Variants in SCN2A observed in about 807,000 individuals in gnomAD.
The protein encoded by SCN2A is sodium channel protein type 2 subunit alpha.
A neutral mutation model predicts 188.7 loss-of-function variants in SCN2A; 20 were observed. The observed-to-expected ratio is 0.11, with a 90% CI of 0.07 to 0.15. The LOEUF is 0.15. SCN2A is among the 10% of genes least tolerant of loss of function. The pLI is 1.00. For synonymous variants in SCN2A, 804 were observed against 833.1 expected (o/e 0.97, Z 0.60); for missense variants, 1,278 against 2,445.0 (o/e 0.52, Z 10.07).
At chr2:165,285,231 A>G (rs1368639876) in intron 1 of SCN2A, 3 of 153,164 alleles carry the variant, frequency 2.0e-5, no homozygotes, top group African/African-American at 7.2e-5. Flanking sequence ...TGGGCAGTAG[A>G]CTGTTCCACC....
In SCN2A at chr2:165,313,932, A is replaced by G. The variant is rs1697581654; in HGVS notation, c.1207A>G (p.Ile403Val). 2.5e-6 allele frequency: 4 copies of G among 1,613,720 alleles called. No homozygotes were observed. The highest frequency in any genetic ancestry group is 3.4e-6 in the Non-Finnish European group (4 of 1,179,826). ...TLRAAGKTYM[I>V]FFVLVIFLGS... ...ACGTGCTGCTGGGAAAACGTACATGATATTTTTTGTGCTGGTCATTTTCTT... is the reference window on the plus strand; with the variant it reads ...ACGTGCTGCTGGGAAAACGTACATGGTATTTTTTGTGCTGGTCATTTTCTT... The change falls in exon 10 of 27, where the codon ATA (isoleucine) becomes GTA (valine). Residue 403 changes from isoleucine (I) to valine (V), a missense_variant. Coordinates refer to ENST00000375437, the MANE Select transcript of SCN2A (RefSeq NM_001040142.2).
chr2:165,243,219 T>C (rs1045357886), intron 1 of SCN2A, among the ~76,000 whole-genome samples: 5 of 152,164 alleles, frequency 3.3e-5, no homozygotes, highest in African/African-American at 7.2e-5. Context: ...TAAGGGCTGG[T>C]TTGCCAGTAT....
intron 1 of SCN2A, among the ~76,000 whole-genome samples, chr2:165,291,578 T>TTC (rs1559340821): frequency 4.5e-5 from 4 of 89,362 alleles, no homozygotes; most frequent in African/African-American, 1.3e-4. Flanking sequence ...CCTTCCTTTC[T>TTC]CTCTCTCTCT....
intron 17 of SCN2A, among the ~76,000 whole-genome samples, chr2:165,363,587 C>G (rs1411146076): frequency 1.3e-5 from 2 of 151,966 alleles, no homozygotes; most frequent in East Asian, 3.9e-4. Context: ...TGTATAGAAA[C>G]ATAGTTATAC....
rs1055844557 is a variant in SCN2A at position 165,390,809 on chromosome 2, C to T, written c.*985C>T. On this transcript the variant is annotated 3_prime_UTR_variant, in exon 27 of 27. Coordinates refer to ENST00000375437, the MANE Select transcript of SCN2A (RefSeq NM_001040142.2). The stretch of plus-strand genomic sequence containing the variant: ...CTGAATTGACCAAAAAACATCCCCA[C>T]CACCACTTTATAAAGTTGATTCTGC... The T allele has an allele frequency of 3.3e-5, 5 of 152,488 alleles. No homozygotes were observed. Among genetic ancestry groups the T allele is most frequent in the Non-Finnish European group, 5.9e-5 (4 of 67,986 alleles). The allele number at this position is 152,488 out of a possible 1,614,324, so 9.4% of individuals were successfully genotyped here. A position where few individuals can be genotyped will look rare whatever the true frequency, so the allele number is the denominator to read the frequency against.
rs982574434 is a variant in SCN2A at position 165,312,228 on chromosome 2, G to A, written c.1034+140G>A. ...CTACTTCACGGTGACTCTCAGAATA[G>A]CCAGGATAAGTGTAGATTCTCACCT... On this transcript the variant is annotated intron_variant, in intron 8 of 26. Transcript: ENST00000375437. 74 of 701,858 alleles carry A rather than the reference G, an allele frequency of 1.1e-4. No individual in the cohort carries two copies. The African/African-American group carries it at 1.3e-3, about 12-fold the overall frequency. 43.5% of individuals were successfully genotyped at this position (701,858 alleles called of 1,614,324 possible).
intron 25 of SCN2A, among the ~76,000 whole-genome samples, chr2:165,383,118 G>T (rs904042024): frequency 6.6e-6 from 1 of 152,036 alleles, no homozygotes; most frequent in Non-Finnish European, 1.5e-5. Context: ...CTAAGCATTT[G>T]AACTTAAATA....
Position 165,374,896 on chromosome 2 carries a change from C to A in SCN2A, c.4184C>A (p.Thr1395Asn). ...AAAGCTCTCATTGAGAGCAATCAAACTGCCAGGTGGAAAAATGTGAAAGTA... is the reference window on the plus strand; with the variant it reads ...AAAGCTCTCATTGAGAGCAATCAAAATGCCAGGTGGAAAAATGTGAAAGTA... ...ECKALIESNQ[T>N]ARWKNVKVNF... Residue 1395 changes from threonine to asparagine, a missense_variant, in exon 22 of 27, where the codon ACT (threonine) becomes AAT (asparagine). Physicochemically the swap from Thr to Asn is moderately conservative, Grantham distance 65 (BLOSUM62 0). Coordinates refer to ENST00000375437, the MANE Select transcript of SCN2A (RefSeq NM_001040142.2). The A allele has an allele frequency of 6.2e-7, 1 of 1,613,516 alleles. No homozygotes were observed. The highest frequency in any genetic ancestry group is 2.2e-5 in the East Asian group (1 of 44,852).
At chr2:165,360,499 CAGT>C (rs1009355154) in intron 17 of SCN2A, among the ~76,000 whole-genome samples, 14 of 151,866 alleles carry the variant, frequency 9.2e-5, no homozygotes, top group Non-Finnish European at 1.8e-4. Context: ...AAAAGAATCA[CAGT>C]AGATTTTCAA....
rs900423326 is a variant in SCN2A, at chr2:165,268,771, A to T, written c.-51-27002A>T. 2.6e-5 allele frequency: 4 copies of T among 151,812 alleles called. 1 individual carries two copies. In the East Asian group the frequency reaches 5.8e-4, roughly 22 times the overall value. 9.4% of individuals were successfully genotyped at this position (151,812 alleles called of 1,614,324 possible). On this transcript the variant is annotated intron_variant, in intron 1 of 26. Transcript: ENST00000375437. ...GATAAAGAATTGCACACACACACACACGCACACACACACACACAATGAAAT... is the reference window on the plus strand; with the variant it reads ...GATAAAGAATTGCACACACACACACTCGCACACACACACACACAATGAAAT...
chr2:165,338,768 A>T (rs1291802536), intron 14 of SCN2A, among the ~76,000 whole-genome samples: 1 of 152,202 alleles, frequency 6.6e-6, no homozygotes, highest in African/African-American at 2.4e-5. Flanking sequence ...TGATCAATTA[A>T]TTGGCCATAT....
intron 1 of SCN2A, chr2:165,269,799 T>C (rs1695026751): frequency 6.6e-6 from 1 of 152,020 alleles, no homozygotes; most frequent in Non-Finnish European, 1.5e-5. Flanking sequence ...TAAATATATG[T>C]TTATTAAAAT....
At chr2:165,282,737 T>C (rs1695636178) in intron 1 of SCN2A, among the ~76,000 whole-genome samples, 2 of 152,160 alleles carry the variant, frequency 1.3e-5, no homozygotes, top group African/African-American at 2.4e-5. Flanking sequence ...ATTATCAGTT[T>C]TGCACTGTAC....
intron 12 of SCN2A, 33 bp downstream of exon 12, chr2:165,323,533 G>A: frequency 1.3e-6 from 2 of 1,571,266 alleles, no homozygotes; most frequent in South Asian, 2.3e-5. Context: ...CTGATGTGAA[G>A]AGAGTTGTGA....
At chr2:165,349,021 T>G (rs1029464664) in intron 16 of SCN2A, among the ~76,000 whole-genome samples, 6 of 152,104 alleles carry the variant, frequency 3.9e-5, no homozygotes, top group Non-Finnish European at 8.8e-5. Flanking sequence ...GCTACTATAA[T>G]CCCCAAGACA....
rs191616186 is a variant in SCN2A, at chr2:165,347,537, T to A, written c.2919+2626T>A. On this transcript the variant is annotated intron_variant, in intron 16 of 26. Transcript: ENST00000375437. ...AGCAAACCACCATGGCAAGTGTATA[T>A]GTATGTAACAAATCTGCATGTTCTA... is the stretch of plus-strand genomic sequence containing the variant. Among the ~76,000 whole-genome samples the A allele has an allele frequency of 3.3e-5, 5 of 152,170 alleles. No individual in the cohort carries two copies. The East Asian group carries it at 9.7e-4, about 29-fold the overall frequency.
intron 8 of SCN2A, 50 bp downstream of exon 8, chr2:165,312,138 C>A: frequency 7.5e-7 from 1 of 1,339,846 alleles, no homozygotes; most frequent in Non-Finnish European, 1.1e-6. Flanking sequence ...CCATCAGTGT[C>A]AATAACCTGC....
chr2:165,242,585 G>A (rs899873994), intron 1 of SCN2A, among the ~76,000 whole-genome samples: 3 of 152,082 alleles, frequency 2.0e-5, no homozygotes, highest in African/African-American at 7.2e-5. Flanking sequence ...GAGAAATCTG[G>A]GGAGTATATT....
At chr2:165,254,948 A>G (rs530904073) in intron 1 of SCN2A, among the ~76,000 whole-genome samples, 25 of 151,840 alleles carry the variant, frequency 1.6e-4, no homozygotes, top group Non-Finnish European at 2.8e-4. Flanking sequence ...TGGAAAACCT[A>G]AATTTTTGTT....
Sources: allele counts gnomAD v4.1 joint callset (sites outside exome capture counted in the v4.1 genomes callset), GRCh38; gene constraint gnomAD v4.1.1; transcripts MANE v1.5; gene names NCBI Gene and HGNC (gene_info 2026-07-23, HGNC 2026-07-21).